Variants in KYAT1 observed in about 807,000 individuals in gnomAD.
The protein encoded by KYAT1 is kynurenine aminotransferase 1.
KYAT1 carries 47 observed loss-of-function variants against 52.4 expected under a neutral mutation model. That is an observed-to-expected ratio of 0.90 (90% CI 0.71 to 1.14). KYAT1 has a LOEUF of 1.14. KYAT1 is among the 50% of genes most tolerant of loss of function. The pLI is 0.00. For synonymous variants in KYAT1, 212 were observed against 209.6 expected, an observed-to-expected ratio of 1.01 and a Z score of -0.10; for missense variants, 480 against 557.9, an observed-to-expected ratio of 0.86 and a Z score of 1.41.
Position 128,833,414 on chromosome 9 carries a change from TA to T in KYAT1, c.*169del. ...TTCAGACAGGAGGCACTTGGTTCTC[TA>T]AGATGAAGAAGGGCGGCTCCCACCC... On this transcript the variant is annotated 3_prime_UTR_variant, in exon 13 of 13. Transcript: ENST00000302586. 1 of 706,120 alleles carries T rather than the reference TA, an allele frequency of 1.4e-6. No homozygotes were observed. The highest frequency in any genetic ancestry group is 2.4e-6 in the Non-Finnish European group (1 of 418,432). The allele number at this position is 706,120 out of a possible 1,614,324, so 43.7% of individuals were successfully genotyped here.
At chr9:128,834,911 T>C (rs6478855) in intron 11 of KYAT1, among the ~76,000 whole-genome samples, 147,641 of 148,442 alleles carry the variant, frequency 0.99, 73,425 homozygotes, top group Middle Eastern at 1. Context: ...CCGAGGCAGG[T>C]GGATTACAAG....
chr9:128,867,411 T>C (rs970123897), intron 1 of KYAT1, among the ~76,000 whole-genome samples: 3 of 152,120 alleles, frequency 2.0e-5, no homozygotes, highest in Admixed American at 1.3e-4. Context: ...ACTGCTGGGC[T>C]CAAGCAGTTC....
chr9:128,872,257 A>G (rs1340626427), intron 1 of KYAT1, among the ~76,000 whole-genome samples: 1 of 151,098 alleles, frequency 6.6e-6, no homozygotes, highest in East Asian at 1.9e-4. Context: ...ATCCTGGCTA[A>G]CACGGTGAAA....
chr9:128,833,239 A>T lies in KYAT1; in HGVS notation c.*345T>A. Reference sequence around the variant, plus strand: ...GGTGAGGTTATACCTGAGCCTTAGCAGGGGCCATGCAGAGCTGGGATGTGA... The same window carrying T: ...GGTGAGGTTATACCTGAGCCTTAGCTGGGGCCATGCAGAGCTGGGATGTGA... On this transcript the variant is annotated 3_prime_UTR_variant, in exon 13 of 13. Coordinates refer to ENST00000302586, the MANE Select transcript of KYAT1 (RefSeq NM_004059.5). 2.5e-6 allele frequency: 1 copy of T among 406,688 alleles called. No individual in the cohort carries two copies. The highest frequency in any genetic ancestry group is 4.5e-6 in the Non-Finnish European group (1 of 222,302). 25.2% of individuals were successfully genotyped at this position (406,688 alleles called of 1,614,324 possible).
rs189754400 is a variant in KYAT1, at chr9:128,857,822, C to T, written c.-6-12411G>A. On this transcript the variant is annotated intron_variant, in intron 1 of 12. Transcript: ENST00000302586. ...CTGCACTCCAGCCTGGGCGACACAG[C>T]GAGACTCCGTCTCAAAACAAACAAA... Among the ~76,000 whole-genome samples, 476 of 151,932 alleles carry T rather than the reference C, an allele frequency of 3.1e-3. 4 individuals are homozygous for T. The highest frequency in any genetic ancestry group is 0.011 in the African/African-American group (447 of 41,440).
intron 1 of KYAT1, among the ~76,000 whole-genome samples, chr9:128,865,359 A>AT (rs776787253): frequency 1.5e-4 from 4 of 27,318 alleles, no homozygotes; most frequent in African/African-American, 1.0e-3. Context: ...ATATATATAT[A>AT]TTTTTTTTTT....
chr9:128,840,231 G>GT (rs1831899381), intron 3 of KYAT1, among the ~76,000 whole-genome samples: 1 of 152,048 alleles, frequency 6.6e-6, no homozygotes, highest in African/African-American at 2.4e-5. Context: ...GAGCCCAGGA[G>GT]TTTGAGACCA....
chr9:128,859,292 C>A (rs1008104356), intron 1 of KYAT1, among the ~76,000 whole-genome samples: 21 of 151,310 alleles, frequency 1.4e-4, no homozygotes, highest in Non-Finnish European at 2.9e-4. Context: ...ACCCAGGAGG[C>A]TGAACCTGCA....
Position 128,836,808 on chromosome 9 carries a change from T to G in KYAT1, c.682A>C (p.Ser228Arg). 1 of 1,613,606 alleles carries G rather than the reference T, an allele frequency of 6.2e-7. No individual in the cohort carries two copies. Among genetic ancestry groups the G allele is most frequent in the Non-Finnish European group, 8.5e-7 (1 of 1,179,836 alleles). Residue 228 changes from serine (S) to arginine (R), a missense_variant, in exon 7 of 13, where the codon AGC becomes CGC. Coordinates refer to ENST00000302586, the MANE Select transcript of KYAT1 (RefSeq NM_004059.5). ...WMVYDGHQHI[S>R]IASLPGMWER... ...CCAGGCTGGCTTGGCTCACCAATGC[T>G]GATGTGCTGGTGCCCGTCGTAGACC...
chr9:128,874,264 A>C (rs568253451), intron 1 of KYAT1, among the ~76,000 whole-genome samples: 56 of 152,050 alleles, frequency 3.7e-4, no homozygotes, highest in African/African-American at 1.3e-3. Context: ...TCCAAAAAAA[A>C]AAAAAGAATA....
At chr9:128,876,161 C>G (rs927718303) in intron 1 of KYAT1, among the ~76,000 whole-genome samples, 20 of 151,870 alleles carry the variant, frequency 1.3e-4, no homozygotes, top group African/African-American at 4.6e-4. Context: ...GAGCCTTGAA[C>G]TCCTGAGCTC....
rs774680616 is a variant in KYAT1, at chr9:128,835,352, G to A, written c.1093C>T (p.Arg365Cys). The change falls in exon 11 of 13, where the codon CGC (arginine) becomes TGC (cysteine). Residue 365 changes from arginine (R) to cysteine (C), a missense_variant. Arg to Cys is a radical substitution (Grantham distance 180, BLOSUM62 -3). Transcript: ENST00000302586. ...PGAVDEPYDR[R>C]FVKWMIKNKG... ...TTCTTGATCATCCACTTGACGAAGC[G>A]TCTGTCATAGGGCTCATCCACAGCT... The A allele has an allele frequency of 3.0e-5, 49 of 1,613,804 alleles. No individual in the cohort carries two copies. In the East Asian group the frequency reaches 5.8e-4, roughly 19 times the overall value.
chr9:128,859,561 T>A (rs1835160778), intron 1 of KYAT1, among the ~76,000 whole-genome samples: 1 of 151,692 alleles, frequency 6.6e-6, no homozygotes, highest in African/African-American at 2.4e-5. Context: ...TCCCAGCTAC[T>A]CAGGAGGCTG....
rs547700261 is a variant in KYAT1 at position 128,842,942 on chromosome 9, G to A, written c.54-141C>T. 2.2e-3 allele frequency: 1,619 copies of A among 721,818 alleles called. 7 individuals are homozygous for A. The highest frequency in any genetic ancestry group is 5.5e-3 in the South Asian group (283 of 51,848). The allele number at this position is 721,818 out of a possible 1,614,324, so 44.7% of individuals were successfully genotyped here. A position where few individuals can be genotyped will look rare whatever the true frequency, so the allele number is the denominator to read the frequency against. On this transcript the variant is annotated intron_variant, in intron 2 of 12. Coordinates refer to ENST00000302586, the MANE Select transcript of KYAT1 (RefSeq NM_004059.5). Reference sequence around the variant, plus strand: ...AGCACTTTGGGAGGCCGAGGTGGGCGGATCACCTGAGGTCAGGAGTTTGAG... The same window carrying A: ...AGCACTTTGGGAGGCCGAGGTGGGCAGATCACCTGAGGTCAGGAGTTTGAG...
intron 11 of KYAT1, 185 bp downstream of exon 11, chr9:128,835,138 C>CAAA: frequency 5.7e-6 from 3 of 525,544 alleles, no homozygotes; most frequent in Non-Finnish European, 6.7e-6. Flanking sequence ...CCATCTCAAC[C>CAAA]AAAAAAAAAA....
In KYAT1 at chr9:128,845,367, G is replaced by A. The variant is rs368511136; in HGVS notation, c.39C>T (p.Ile13=). 1.7e-5 allele frequency: 27 copies of A among 1,613,760 alleles called. No homozygotes were observed. In the African/African-American group the frequency reaches 2.3e-4, roughly 14 times the overall value. Residue 13 remains isoleucine, a synonymous_variant, in exon 2 of 13, where the codon ATC becomes ATT. Coordinates refer to ENST00000302586, the MANE Select transcript of KYAT1 (RefSeq NM_004059.5). ...KQLQARRLDG[I]DYNPWVEFVK... ...AGCTGGCTCACCAGGGGTTGTAGTCGATCCCGTCTAGCCTTCGGGCCTGCA... is the reference window on the plus strand; with the variant it reads ...AGCTGGCTCACCAGGGGTTGTAGTCAATCCCGTCTAGCCTTCGGGCCTGCA...
chr9:128,848,972 G>T (rs1449079219), intron 1 of KYAT1, among the ~76,000 whole-genome samples: 2 of 151,922 alleles, frequency 1.3e-5, no homozygotes. Flanking sequence ...AAAATTAGCT[G>T]GGTGTGGTGG....
chr9:128,833,710 G>A (rs1830502110), intron 12 of KYAT1, 30 bp downstream of exon 12: 1 of 1,613,708 alleles, frequency 6.2e-7, no homozygotes, highest in African/African-American at 1.3e-5. Flanking sequence ...AGCTCTGTGA[G>A]GTCTTTCCTC....
At chr9:128,842,426 C>T (rs541450329) in intron 3 of KYAT1, among the ~76,000 whole-genome samples, 73 of 152,336 alleles carry the variant, frequency 4.8e-4, no homozygotes, top group Non-Finnish European at 8.4e-4. Context: ...CCTCCTCCAT[C>T]ACATCATGTA....
Sources: allele counts gnomAD v4.1 joint callset (sites outside exome capture counted in the v4.1 genomes callset), GRCh38; gene constraint gnomAD v4.1.1; transcripts MANE v1.5; gene names NCBI Gene and HGNC (gene_info 2026-07-23, HGNC 2026-07-21).